The following LHFPL6 variants were observed in gnomAD, a reference collection of about 807,000 sequenced individuals.
LHFPL6 encodes LHFPL tetraspan subfamily member 6.
LHFPL6 carries 9 observed loss-of-function variants against 20.6 expected under a neutral mutation model. That is an observed-to-expected ratio of 0.44 (90% CI 0.26 to 0.76). The LOEUF (loss-of-function observed/expected upper bound fraction) is 0.76. LHFPL6 is among the 30% of genes least tolerant of loss of function. The pLI is 0.20. For synonymous variants in LHFPL6, 105 were observed against 98.7 expected (o/e 1.06, Z -0.38); for missense variants, 218 against 253.5 (o/e 0.86, Z 0.95).
chr13:39,595,725 C>A (rs1872752741), intron 2 of LHFPL6, among the ~76,000 whole-genome samples: 1 of 152,150 alleles, frequency 6.6e-6, no homozygotes, highest in Non-Finnish European at 1.5e-5. Context: ...GGTCTGTGGC[C>A]CTAAAAAGTA....
chr13:39,358,485 A>G (rs1474312707), intron 3 of LHFPL6, among the ~76,000 whole-genome samples: 1 of 152,238 alleles, frequency 6.6e-6, no homozygotes, highest in Non-Finnish European at 1.5e-5. Flanking sequence ...AGGTGTGGGT[A>G]AAGAATTTGT....
intron 2 of LHFPL6, among the ~76,000 whole-genome samples, chr13:39,475,926 T>G (rs9603546): frequency 0.13 from 20,130 of 151,924 alleles, 2,743 homozygotes; most frequent in African/African-American, 0.33. Flanking sequence ...AAGAAGATCA[T>G]CCAACCCAAG....
chr13:39,354,563 A>C (rs115483336), intron 3 of LHFPL6, among the ~76,000 whole-genome samples: 2 of 152,192 alleles, frequency 1.3e-5, no homozygotes, highest in Non-Finnish European at 2.9e-5. Flanking sequence ...AATAACAGAC[A>C]CAGAATTCAG....
rs964120285 is a variant in LHFPL6 at position 39,460,040 on chromosome 13, CCTT to C, written c.386-81517_386-81515del. Among the ~76,000 whole-genome samples the C allele has an allele frequency of 2.2e-4, 32 of 147,418 alleles. 1 individual carries two copies. Among genetic ancestry groups the C allele is most frequent in the African/African-American group, 7.7e-5 (3 of 39,046 alleles). On this transcript the variant is annotated intron_variant, in intron 2 of 3. Transcript: ENST00000379589. ...TATGTCTTTGTATCTTAATCCCTCC[CCTT>C]CTTAACTTACCTTACAAAATTTAAT... is the stretch of plus-strand genomic sequence containing the variant.
At chr13:39,547,492 G>A (rs1323891416) in intron 2 of LHFPL6, among the ~76,000 whole-genome samples, 1 of 152,138 alleles carries the variant, frequency 6.6e-6, no homozygotes, top group African/African-American at 2.4e-5. Flanking sequence ...TCTGTGTAGT[G>A]AGTCTTTCCA....
chr13:39,576,144 C>T (rs577442630), intron 2 of LHFPL6, among the ~76,000 whole-genome samples: 1 of 152,224 alleles, frequency 6.6e-6, no homozygotes, highest in East Asian at 1.9e-4. Context: ...TCCTATGTCT[C>T]CAAAAGTAGA....
chr13:39,524,442 T>C (rs905799407), intron 2 of LHFPL6, among the ~76,000 whole-genome samples: 3 of 152,126 alleles, frequency 2.0e-5, no homozygotes, highest in Non-Finnish European at 4.4e-5. Flanking sequence ...ACAATTTCTA[T>C]CACATAACTT....
At chr13:39,446,339 G>GA (rs1475729777) in intron 2 of LHFPL6, among the ~76,000 whole-genome samples, 1 of 152,196 alleles carries the variant, frequency 6.6e-6, no homozygotes, top group Non-Finnish European at 1.5e-5. Context: ...CCATTTAGTT[G>GA]AAAGGTGCTA....
chr13:39,573,789 T>C (rs920779707), intron 2 of LHFPL6, among the ~76,000 whole-genome samples: 2 of 152,224 alleles, frequency 1.3e-5, no homozygotes, highest in African/African-American at 4.8e-5. Flanking sequence ...AGTAGGCTAA[T>C]AGTTAATCAC....
At chr13:39,543,038 T>C (rs1870861334) in intron 2 of LHFPL6, among the ~76,000 whole-genome samples, 1 of 152,192 alleles carries the variant, frequency 6.6e-6, no homozygotes, top group African/African-American at 2.4e-5. Flanking sequence ...CTCCAGCCCC[T>C]GGTAAGCACC....
At position 39,562,409 on chromosome 13, in the gene LHFPL6, C is replaced by CAT. The variant is rs1354505026; in HGVS notation, c.385+38421_385+38422dup. On this transcript the variant is annotated intron_variant, in intron 2 of 3. Transcript: ENST00000379589. ...ATATACATATATATACATATATACA[C>CAT]ATATACACATATACATATATACATA... is the stretch of plus-strand genomic sequence containing the variant. 2.3e-3 allele frequency among the ~76,000 whole-genome samples: 236 copies of CAT among 101,776 alleles called. 4 individuals are homozygous for CAT. Among genetic ancestry groups the CAT allele is most frequent in the African/African-American group, 6.1e-3 (188 of 30,904 alleles). The allele number at this position is 101,776 out of a possible 152,430, so 66.8% of individuals were successfully genotyped here. A position where few individuals can be genotyped will look rare whatever the true frequency, so the allele number is the denominator to read the frequency against.
intron 2 of LHFPL6, among the ~76,000 whole-genome samples, chr13:39,469,744 A>G (rs1872897696): frequency 6.6e-6 from 1 of 152,260 alleles, no homozygotes; most frequent in Non-Finnish European, 1.5e-5. Context: ...TGAAACATAA[A>G]ATCAAAGGAT....
At chr13:39,568,944 C>T (rs961608882) in intron 2 of LHFPL6, among the ~76,000 whole-genome samples, 1 of 152,228 alleles carries the variant, frequency 6.6e-6, no homozygotes, top group Non-Finnish European at 1.5e-5. Context: ...ATCCTTCAAC[C>T]TGAGCAGTTA....
At chr13:39,437,351 T>C (rs1326902162) in intron 2 of LHFPL6, among the ~76,000 whole-genome samples, 2 of 152,192 alleles carry the variant, frequency 1.3e-5, no homozygotes, top group African/African-American at 4.8e-5. Context: ...CTTGGTGCTG[T>C]ACTTGTGATA....
intron 2 of LHFPL6, among the ~76,000 whole-genome samples, chr13:39,562,663 T>C (rs1312226584): frequency 2.5e-5 from 3 of 120,690 alleles, no homozygotes; most frequent in African/African-American, 8.6e-5. Flanking sequence ...CATATACACA[T>C]ATATACACAC....
intron 2 of LHFPL6, among the ~76,000 whole-genome samples, chr13:39,573,417 T>C (rs958652854): frequency 6.6e-6 from 1 of 152,128 alleles, no homozygotes; most frequent in Non-Finnish European, 1.5e-5. Flanking sequence ...AGAAAAATAA[T>C]TGGAAGATCT....
intron 2 of LHFPL6, among the ~76,000 whole-genome samples, chr13:39,389,322 A>T (rs1439509023): frequency 6.6e-6 from 1 of 152,202 alleles, no homozygotes. Context: ...TTGTGGGTTG[A>T]GAAGGGTCCC....
chr13:39,554,461 T>C (rs974116409), intron 2 of LHFPL6, among the ~76,000 whole-genome samples: 5 of 152,224 alleles, frequency 3.3e-5, no homozygotes, highest in African/African-American at 1.2e-4. Context: ...CAACCCCCAG[T>C]TTCCTACAGA....
At chr13:39,593,206 T>C (rs1323024016) in intron 2 of LHFPL6, among the ~76,000 whole-genome samples, 9 of 152,232 alleles carry the variant, frequency 5.9e-5, no homozygotes, top group Non-Finnish European at 1.3e-4. Context: ...ATGATATGAT[T>C]GTATATCTAG....
Sources: gnomAD v4.1 joint callset for allele counts (sites outside exome capture counted in the v4.1 genomes callset) on GRCh38, gnomAD v4.1.1 for gene constraint, MANE v1.5 for transcripts, NCBI Gene and HGNC (gene_info 2026-07-23, HGNC 2026-07-21) for gene names.